CNTNAP5: variants seen among roughly 807,000 people sequenced by gnomAD.
CNTNAP5 encodes contactin-associated protein-like 5.
In CNTNAP5, 72 loss-of-function variants were observed where a neutral mutation model predicts 150.2. The ratio of observed to expected loss-of-function variants is 0.48; its 90% CI spans 0.40 to 0.58. The LOEUF (loss-of-function observed/expected upper bound fraction) is 0.58, where lower values mean the gene tolerates loss of function less well. Ranked by LOEUF, CNTNAP5 falls within the 20% of genes least tolerant of loss-of-function variation. The probability of loss-of-function intolerance (pLI) is 0.00; values close to 1 mark genes in which losing one functional copy is unlikely to be tolerated. For missense variants in CNTNAP5, 1,636 were observed against 1,626.2 expected, an observed-to-expected ratio of 1.01 and a Z score of -0.10; for synonymous variants, 672 against 619.8, an observed-to-expected ratio of 1.08 and a Z score of -1.25.
intron 22 of CNTNAP5, among the ~76,000 whole-genome samples, chr2:124,907,004 G>T (rs1008430083): frequency 6.6e-6 from 1 of 152,098 alleles, no homozygotes; most frequent in Non-Finnish European, 1.5e-5. Flanking sequence ...GGAAGGCAAT[G>T]GTTCAGGGAA....
At chr2:124,759,281 T>G (rs867652771) in intron 14 of CNTNAP5, among the ~76,000 whole-genome samples, 2 of 150,674 alleles carry the variant, frequency 1.3e-5, no homozygotes, top group Middle Eastern at 3.5e-3. Flanking sequence ...ATCTACTTGC[T>G]TCCTGAATAA....
At chr2:124,569,603 T>C (rs1221818612) in intron 11 of CNTNAP5, among the ~76,000 whole-genome samples, 1 of 152,252 alleles carries the variant, frequency 6.6e-6, no homozygotes, top group Non-Finnish European at 1.5e-5. Flanking sequence ...TCGATGTTTA[T>C]GTCTGATGAC....
intron 13 of CNTNAP5, among the ~76,000 whole-genome samples, chr2:124,655,941 GAGAGAGAAAGAAAGAAAGAA>G (rs1465703856): frequency 4.8e-4 from 28 of 58,182 alleles, no homozygotes; most frequent in African/African-American, 1.5e-3. Flanking sequence ...GAGAGAGAGA[GAGAGAGAAAGAAAGAAAGAA>G]AGAAAGAAAG....
intron 8 of CNTNAP5, among the ~76,000 whole-genome samples, chr2:124,508,681 A>G (rs905893176): frequency 1.3e-5 from 2 of 152,208 alleles, no homozygotes; most frequent in Non-Finnish European, 2.9e-5. Context: ...AAGCAAAAAG[A>G]AGTTTTTAAA....
At position 124,915,005 on chromosome 2, in the gene CNTNAP5, G is replaced by A. The variant is rs1032763959; in HGVS notation, c.*717G>A. 3.9e-5 allele frequency: 6 copies of A among 153,122 alleles called. No homozygotes were observed. The highest frequency in any genetic ancestry group is 1.3e-4 in the Admixed American group (2 of 15,216). The allele number at this position is 153,122 out of a possible 1,614,324, so 9.5% of individuals were successfully genotyped here. On this transcript the variant is annotated 3_prime_UTR_variant, in exon 24 of 24. Coordinates refer to ENST00000682447, the MANE Select transcript of CNTNAP5 (RefSeq NM_001367498.1). ...ATAGCATAAAGCTAGGGGATGCATG[G>A]AAATAGCAGCTTGAAACTAGGAGGT...
At chr2:124,847,800 T>G (rs1234949929) in intron 19 of CNTNAP5, among the ~76,000 whole-genome samples, 1 of 152,174 alleles carries the variant, frequency 6.6e-6, no homozygotes, top group African/African-American at 2.4e-5. Flanking sequence ...TCTAATTCTT[T>G]TCTGTTCTAA....
intron 21 of CNTNAP5, among the ~76,000 whole-genome samples, chr2:124,878,517 A>G (rs1305340704): frequency 6.6e-6 from 1 of 151,960 alleles, no homozygotes; most frequent in Non-Finnish European, 1.5e-5. Flanking sequence ...TTGGACTCTA[A>G]TTGCCTTCCA....
intron 13 of CNTNAP5, among the ~76,000 whole-genome samples, chr2:124,711,285 AT>A (rs1183299220): frequency 3.3e-5 from 5 of 152,062 alleles, no homozygotes; most frequent in South Asian, 2.1e-4. Context: ...ATAAAAAATA[AT>A]AATAATAAAA....
At chr2:124,604,671 G>C (rs1047545689) in intron 11 of CNTNAP5, among the ~76,000 whole-genome samples, 2 of 152,070 alleles carry the variant, frequency 1.3e-5, no homozygotes, top group African/African-American at 4.8e-5. Context: ...CCTACAAGCT[G>C]GTTTGTCTTT....
In CNTNAP5 at chr2:124,864,954, G is replaced by C. The variant is rs574497197; in HGVS notation, c.3218-352G>C. Among the ~76,000 whole-genome samples, 4 of 152,224 alleles carry C rather than the reference G, an allele frequency of 2.6e-5. No individual in the cohort carries two copies. In the East Asian group the frequency reaches 7.7e-4, roughly 29 times the overall value. On this transcript the variant is annotated intron_variant, in intron 19 of 23. Transcript: ENST00000682447. ...CAATTAGGAAGAAAGAGAGTTATAG[G>C]AAGTGGTAGGAATTGAAGAGAAAGT...
intron 19 of CNTNAP5, among the ~76,000 whole-genome samples, chr2:124,816,473 C>CTTTTTTT (rs34089178): frequency 4.6e-5 from 5 of 107,656 alleles, no homozygotes; most frequent in African/African-American, 1.5e-4. Flanking sequence ...TTGCAGCTTA[C>CTTTTTTT]TTTTTTTTTT....
At chr2:124,036,810 T>A (rs1473283691) in intron 1 of CNTNAP5, among the ~76,000 whole-genome samples, 1 of 152,184 alleles carries the variant, frequency 6.6e-6, no homozygotes, top group African/African-American at 2.4e-5. Flanking sequence ...ATATACTGGC[T>A]TGGATGGTGT....
chr2:124,792,374 A>G (rs73955824), intron 18 of CNTNAP5, among the ~76,000 whole-genome samples: 2,247 of 152,264 alleles, frequency 0.015, 51 homozygotes, highest in African/African-American at 0.051. Flanking sequence ...GACTTGCTAA[A>G]TGTCAGATTT....
chr2:124,056,569 A>G (rs573285252), intron 1 of CNTNAP5, among the ~76,000 whole-genome samples: 93 of 152,230 alleles, frequency 6.1e-4, no homozygotes, highest in Admixed American at 4.4e-3. Flanking sequence ...TGGTGTGAAC[A>G]TGGGAGGCGG....
chr2:124,747,451 C>A, intron 14 of CNTNAP5, 66 bp downstream of exon 14: 2 of 1,567,996 alleles, frequency 1.3e-6, no homozygotes, highest in Non-Finnish European at 1.8e-6. Flanking sequence ...TAAAATTCCC[C>A]AAGACAGAAG....
intron 3 of CNTNAP5, among the ~76,000 whole-genome samples, chr2:124,411,291 T>C (rs369020399): frequency 7.9e-5 from 12 of 152,078 alleles, no homozygotes; most frequent in African/African-American, 1.4e-4. Flanking sequence ...CCAAATTCTA[T>C]CAGAGGTACA....
At chr2:124,251,893 T>A (rs1441426826) in intron 3 of CNTNAP5, among the ~76,000 whole-genome samples, 1 of 152,152 alleles carries the variant, frequency 6.6e-6, no homozygotes, top group Non-Finnish European at 1.5e-5. Flanking sequence ...TAGAAAGAAC[T>A]GATGAACAGA....
At chr2:124,555,685 G>A (rs1296220133) in intron 10 of CNTNAP5, among the ~76,000 whole-genome samples, 1 of 152,136 alleles carries the variant, frequency 6.6e-6, no homozygotes, top group Non-Finnish European at 1.5e-5. Context: ...GTAAGAAAGA[G>A]GAAGCAACCA....
intron 21 of CNTNAP5, among the ~76,000 whole-genome samples, chr2:124,877,234 G>C (rs1364987565): frequency 3.9e-5 from 6 of 152,048 alleles, no homozygotes; most frequent in African/African-American, 1.4e-4. Context: ...GAAGTTGTCT[G>C]TTTTTTCTAA....
Sources: allele counts gnomAD v4.1 joint callset (sites outside exome capture counted in the v4.1 genomes callset), GRCh38; gene constraint gnomAD v4.1.1; transcripts MANE v1.5; gene names NCBI Gene and HGNC (gene_info 2026-07-23, HGNC 2026-07-21).